Variants in SCHIP1 observed in about 807,000 individuals in gnomAD.
SCHIP1 encodes schwannomin interacting protein 1.
Under a neutral mutation model 29.7 loss-of-function variants are expected in SCHIP1, and 8 were observed. The ratio of observed to expected loss-of-function variants is 0.27; its 90% CI spans 0.16 to 0.49. The LOEUF (loss-of-function observed/expected upper bound fraction) is 0.49. SCHIP1 is among the 20% of genes least tolerant of loss of function. SCHIP1 has a pLI of 0.99. For missense variants in SCHIP1, 193 were observed against 294.6 expected, an observed-to-expected ratio of 0.66 and a Z score of 2.52; for synonymous variants, 76 against 94.9, an observed-to-expected ratio of 0.80 and a Z score of 1.16.
At chr3:159,606,753 A>C in the SCHIP1 span, among the ~76,000 whole-genome samples, 1 of 152,214 alleles carries the variant, frequency 6.6e-6, no homozygotes, top group Non-Finnish European at 1.5e-5. Context: ...TTATCTGCAG[A>C]AAACACTACC....
At chr3:159,410,376 A>G in the SCHIP1 span, among the ~76,000 whole-genome samples, 132 of 152,226 alleles carry the variant, frequency 8.7e-4, 1 homozygote, top group Middle Eastern at 3.4e-3. Flanking sequence ...GCAAACTACC[A>G]ATCTGACAAG....
chr3:159,420,608 T>C, the SCHIP1 span, among the ~76,000 whole-genome samples: 1 of 152,198 alleles, frequency 6.6e-6, no homozygotes, highest in African/African-American at 2.4e-5. Context: ...TCATGGATGA[T>C]TTGATCTGAT....
the SCHIP1 span, among the ~76,000 whole-genome samples, chr3:159,623,680 A>G: frequency 3.3e-4 from 50 of 152,304 alleles, no homozygotes; most frequent in African/African-American, 1.2e-3. Context: ...TGCTTCTTAC[A>G]TTACCTTTAG....
At chr3:159,366,699 T>C in the SCHIP1 span, among the ~76,000 whole-genome samples, 1 of 152,188 alleles carries the variant, frequency 6.6e-6, no homozygotes, top group Non-Finnish European at 1.5e-5. Context: ...GATTTGGAGT[T>C]AAGAATCATC....
chr3:159,853,159 ACAG>A (rs1030123635), intron 1 of SCHIP1: 3 of 417,978 alleles, frequency 7.2e-6, no homozygotes, highest in African/African-American at 6.2e-5. Context: ...GCCTCAGAAA[ACAG>A]CAGCTGCCCG....
chr3:159,278,366 C>T, the SCHIP1 span, among the ~76,000 whole-genome samples: 1 of 151,880 alleles, frequency 6.6e-6, no homozygotes, highest in African/African-American at 2.4e-5. Flanking sequence ...TCACTTGGAT[C>T]TATTTGAGAA....
chr3:159,578,429 C>A, the SCHIP1 span, among the ~76,000 whole-genome samples: 1 of 152,268 alleles, frequency 6.6e-6, no homozygotes, highest in Non-Finnish European at 1.5e-5. Flanking sequence ...TCACTTTATA[C>A]TTTAGTGTGT....
the SCHIP1 span, chr3:159,721,829 T>G: frequency 5.6e-4 from 219 of 393,708 alleles, 1 homozygote; most frequent in African/African-American, 4.2e-3. Flanking sequence ...TATTATTTTT[T>G]ATTTTAGCAT....
the SCHIP1 span, among the ~76,000 whole-genome samples, chr3:159,358,920 CTTTTTTTTTTTTTT>C: frequency 8.3e-5 from 8 of 96,548 alleles, no homozygotes; most frequent in African/African-American, 2.4e-4. Flanking sequence ...TATTAGCATC[CTTTTTTTTTTTTTT>C]TTTTTTTTTT....
chr3:159,775,790 T>C, the SCHIP1 span, among the ~76,000 whole-genome samples: 2 of 152,208 alleles, frequency 1.3e-5, no homozygotes, highest in Non-Finnish European at 2.9e-5. Context: ...TGGATTCTGC[T>C]TCCTTCTTGG....
chr3:159,813,313 G>A, the SCHIP1 span, among the ~76,000 whole-genome samples: 3 of 152,018 alleles, frequency 2.0e-5, no homozygotes, highest in Middle Eastern at 3.2e-3. Context: ...TAAAATTCCC[G>A]TATTGTAAAT....
the SCHIP1 span, among the ~76,000 whole-genome samples, chr3:159,521,796 AAT>A: frequency 2.6e-5 from 4 of 152,246 alleles, no homozygotes; most frequent in African/African-American, 9.6e-5. Flanking sequence ...ATTTTACCAT[AAT>A]ATGTTTACAT....
chr3:159,307,500 G>T, the SCHIP1 span, among the ~76,000 whole-genome samples: 1 of 152,090 alleles, frequency 6.6e-6, no homozygotes, highest in African/African-American at 2.4e-5. Context: ...ATGCCTTTGG[G>T]TAGAAAAACT....
the SCHIP1 span, among the ~76,000 whole-genome samples, chr3:159,301,812 T>C: frequency 6.6e-6 from 1 of 152,326 alleles, no homozygotes; most frequent in South Asian, 2.1e-4. Context: ...CTCTTTTCTT[T>C]ATAAATGACC....
the SCHIP1 span, among the ~76,000 whole-genome samples, chr3:159,712,356 A>G: frequency 6.6e-6 from 1 of 152,212 alleles, no homozygotes; most frequent in East Asian, 1.9e-4. Flanking sequence ...GAGCTTTTTA[A>G]TGCTGGCAAT....
chr3:159,380,409 G>A, the SCHIP1 span, among the ~76,000 whole-genome samples: 1 of 152,184 alleles, frequency 6.6e-6, no homozygotes, highest in African/African-American at 2.4e-5. Context: ...AGAGTCACTA[G>A]TGATATGTAG....
the SCHIP1 span, among the ~76,000 whole-genome samples, chr3:159,353,543 G>T: frequency 3.3e-5 from 5 of 152,016 alleles, no homozygotes; most frequent in Non-Finnish European, 7.4e-5. Flanking sequence ...CAACCTGCTC[G>T]TTCTTGAGGA....
chr3:159,354,042 G>A, the SCHIP1 span, among the ~76,000 whole-genome samples: 1 of 152,178 alleles, frequency 6.6e-6, no homozygotes, highest in East Asian at 1.9e-4. Context: ...TCATGAAAAC[G>A]AACTGTTACC....
the SCHIP1 span, among the ~76,000 whole-genome samples, chr3:159,344,237 C>T: frequency 2.0e-5 from 3 of 150,998 alleles, no homozygotes; most frequent in East Asian, 5.9e-4. Flanking sequence ...AGGAGAATCG[C>T]TTGAACCCAG....
Sources: allele counts gnomAD v4.1 joint callset (sites outside exome capture counted in the v4.1 genomes callset), GRCh38; gene constraint gnomAD v4.1.1; transcripts MANE v1.5; gene names NCBI Gene and HGNC (gene_info 2026-07-23, HGNC 2026-07-21).